C4orf50: variants seen among roughly 807,000 people sequenced by gnomAD.
The protein encoded by C4orf50 is chromosome 4 open reading frame 50.
C4orf50 carries 80 observed loss-of-function variants against 77.2 expected under a neutral mutation model. The observed-to-expected ratio is 1.04, with a 90% CI of 0.87 to 1.25. The LOEUF (loss-of-function observed/expected upper bound fraction) is 1.25. C4orf50 is among the 50% of genes most tolerant of loss of function. The pLI is 0.00. For missense variants in C4orf50, 1,257 were observed against 1,152.9 expected (o/e 1.09, Z -1.31); for synonymous variants, 532 against 465.3 (o/e 1.14, Z -1.84).
At position 5,928,273 on chromosome 4, in the gene C4orf50, G is replaced by A. The variant is rs144505963; in HGVS notation, c.*2474+28628C>T. ...AGGATCCTGGAATACAAACTGCAAG[G>A]TAATCTTATAAGGTCAAAGGCAAAA... is the stretch of plus-strand genomic sequence containing the variant. On this transcript the variant is annotated intron_variant, in intron 7 of 7. Coordinates refer to the C4orf50 transcript ENST00000324058. Among the ~76,000 whole-genome samples, 604 of 152,038 alleles carry A rather than the reference G, an allele frequency of 4.0e-3. 4 individuals carry two copies. The highest frequency in any genetic ancestry group is 0.014 in the African/African-American group (569 of 41,436).
intron 28 of C4orf50, among the ~76,000 whole-genome samples, chr4:5,980,844 G>C (rs894161417): frequency 1.3e-5 from 2 of 152,160 alleles, no homozygotes; most frequent in Non-Finnish European, 2.9e-5. Context: ...AGAAGATACT[G>C]TGTCTCCCAC....
intron 25 of C4orf50, among the ~76,000 whole-genome samples, chr4:6,005,868 G>T (rs1328832897): frequency 2.0e-5 from 3 of 152,142 alleles, no homozygotes; most frequent in Non-Finnish European, 4.4e-5. Context: ...CCCATGAGAG[G>T]TGCAGTTCCC....
At chr4:5,906,733 C>T (rs1185346207) in intron 7 of C4orf50, among the ~76,000 whole-genome samples, 2 of 152,162 alleles carry the variant, frequency 1.3e-5, no homozygotes, top group African/African-American at 4.8e-5. Flanking sequence ...GTGAGGAAGC[C>T]AACCTACTCA....
intron 25 of C4orf50, among the ~76,000 whole-genome samples, chr4:5,996,337 C>T (rs924464004): frequency 1.3e-5 from 2 of 152,144 alleles, no homozygotes; most frequent in African/African-American, 4.8e-5. Context: ...CAGCCCCCAG[C>T]GATGGCACTA....
At position 5,991,407 on chromosome 4, in the gene C4orf50, G is replaced by A. The variant is rs937665305; in HGVS notation, c.1222-583C>T. 2.6e-5 allele frequency among the ~76,000 whole-genome samples: 4 copies of A among 152,112 alleles called. No individual in the cohort carries two copies. In the East Asian group the frequency reaches 5.8e-4, roughly 22 times the overall value. Reference sequence around the variant, plus strand: ...TCTCATGGATGGGGCTGGTGCAGGTGGTCCACTCCCTGAGGACAGGACTTC... The same window carrying A: ...TCTCATGGATGGGGCTGGTGCAGGTAGTCCACTCCCTGAGGACAGGACTTC... On this transcript the variant is annotated intron_variant, in intron 27 of 33. Coordinates refer to ENST00000531445, the Ensembl canonical transcript of C4orf50.
At chr4:5,906,124 A>G (rs961093659) in intron 7 of C4orf50, among the ~76,000 whole-genome samples, 6 of 152,104 alleles carry the variant, frequency 3.9e-5, no homozygotes, top group African/African-American at 1.4e-4. Flanking sequence ...AGAGGGAGGG[A>G]GCAGGAGAAG....
chr4:6,009,415 C>T lies in C4orf50; in HGVS notation c.427-883G>A, dbSNP rs775818403. On this transcript the variant is annotated intron_variant, in intron 24 of 33. Coordinates refer to ENST00000531445, the Ensembl canonical transcript of C4orf50. The surrounding 1 kb of genome is among the most constrained non-coding windows in gnomAD (Gnocchi z 5.6). The stretch of plus-strand genomic sequence containing the variant: ...CAAAAACAAACAAACTAAGAGCAAA[C>T]GTGAAAGAGGAAACCTGGAAACAGC... Among the ~76,000 whole-genome samples, 12 of 152,284 alleles carry T rather than the reference C, an allele frequency of 7.9e-5. No homozygotes were observed. The highest frequency in any genetic ancestry group is 2.2e-4 in the African/African-American group (9 of 41,552).
At chr4:5,952,179 G>A (rs1408097507), downstream of C4orf50, among the ~76,000 whole-genome samples, 1 of 152,184 alleles carries the variant, frequency 6.6e-6, no homozygotes, top group Non-Finnish European at 1.5e-5. The surrounding 1 kb of genome is among the most constrained non-coding windows in gnomAD (Gnocchi z 4.4). Flanking sequence ...GTCGTAAGAG[G>A]CAGCTGGATC....
chr4:5,951,071 G>A (rs1718692164), intron 7 of C4orf50, among the ~76,000 whole-genome samples: 1 of 152,162 alleles, frequency 6.6e-6, no homozygotes, highest in African/African-American at 2.4e-5. Context: ...TTGTTTTCAT[G>A]GACCCTCAGC....
Position 6,018,397 on chromosome 4 carries a change from C to T in C4orf50, c.35G>A (p.Ser12Asn), listed in dbSNP as rs1722762813. The T allele has an allele frequency of 2.5e-6, 1 of 398,950 alleles. No individual in the cohort carries two copies. The highest frequency in any genetic ancestry group is 1.3e-4 in the South Asian group (1 of 7,854). 24.7% of individuals were successfully genotyped at this position (398,950 alleles called of 1,614,324 possible). Residue 12 changes from serine (S) to asparagine (N), a missense_variant, in exon 23 of 34, where the codon AGT (serine) becomes AAT (asparagine). Physicochemically the swap from Ser to Asn is conservative, Grantham distance 46 (BLOSUM62 1). Coordinates refer to ENST00000531445, the Ensembl canonical transcript of C4orf50. The surrounding 1 kb of genome is among the most constrained non-coding windows in gnomAD (Gnocchi z 5.1). ...GGGGGCTCTGATGACGTAGCTGAAA[C>T]TCTCCTCAGTCCGTCCCTTGGCTGT...
chr4:5,949,740 A>G (rs969693901), intron 7 of C4orf50, among the ~76,000 whole-genome samples: 2 of 152,226 alleles, frequency 1.3e-5, no homozygotes, highest in African/African-American at 4.8e-5. Flanking sequence ...TAATCCCAGC[A>G]CTGTGGGAAG....
chr4:5,972,501 T>C (rs13435867), intron 31 of C4orf50, among the ~76,000 whole-genome samples: 71,619 of 152,008 alleles, frequency 0.47, 17,178 homozygotes, highest in East Asian at 0.71. Context: ...GCCTATGAAT[T>C]GAGTCAAAAA....
intron 32 of C4orf50, among the ~76,000 whole-genome samples, chr4:5,965,545 G>A (rs546492238): frequency 5.5e-4 from 84 of 152,364 alleles, no homozygotes; most frequent in Non-Finnish European, 1.0e-3. Flanking sequence ...GGTCTAGCGC[G>A]TTTCCTTCTT....
chr4:5,939,470 A>C (rs1213577569), intron 7 of C4orf50, among the ~76,000 whole-genome samples: 1 of 152,134 alleles, frequency 6.6e-6, no homozygotes, highest in Non-Finnish European at 1.5e-5. Flanking sequence ...ATGGGGTCAA[A>C]TATCAACAGC....
At chr4:6,012,804 C>T (rs1019248210) in intron 23 of C4orf50, among the ~76,000 whole-genome samples, 2 of 152,356 alleles carry the variant, frequency 1.3e-5, no homozygotes, top group South Asian at 4.1e-4. Context: ...GGAGGCACTG[C>T]AAAGACTGGC....
At chr4:5,954,476 G>GATTCTGTA (rs1194256559), downstream of C4orf50, among the ~76,000 whole-genome samples, 1 of 152,108 alleles carries the variant, frequency 6.6e-6, no homozygotes, top group Non-Finnish European at 1.5e-5. This position sits in a 1 kb window ranked among gnomAD's most constrained non-coding sequence, Gnocchi z 4.7. Context: ...AGATGAGGGA[G>GATTCTGTA]GTGATGTGTG....
chr4:5,988,407 CTT>C lies in C4orf50; in HGVS notation c.3637_3638del (p.Lys1213GlufsTer30), dbSNP rs757105358. 1.9e-6 allele frequency: 3 copies of C among 1,612,968 alleles called. No individual in the cohort carries two copies. In the South Asian group the frequency reaches 3.3e-5, roughly 18 times the overall value. On this transcript the variant is annotated frameshift_variant, in exon 28 of 34. Coordinates refer to ENST00000531445, the Ensembl canonical transcript of C4orf50. LOFTEE classifies it high-confidence loss of function. Reference sequence around the variant, plus strand: ...CCTGAGCCACAGAACACCTGGGCCTCTTCTCCTCTTTCTCCAAATGTGCTTCT... The same window carrying C: ...CCTGAGCCACAGAACACCTGGGCCTCCTCCTCTTTCTCCAAATGTGCTTCT...
chr4:6,012,381 C>T (rs1271123913), intron 23 of C4orf50, among the ~76,000 whole-genome samples: 1 of 152,104 alleles, frequency 6.6e-6, no homozygotes, highest in Non-Finnish European at 1.5e-5. Context: ...TCAGAGGGGG[C>T]AGACTTTTGC....
intron 7 of C4orf50, among the ~76,000 whole-genome samples, chr4:5,950,304 A>G (rs1718661103): frequency 6.6e-6 from 1 of 152,210 alleles, no homozygotes; most frequent in African/African-American, 2.4e-5. Context: ...TTGAGGTGTG[A>G]TGGAGCTGGT....
Sources: allele counts gnomAD v4.1 joint callset (sites outside exome capture counted in the v4.1 genomes callset), GRCh38; gene constraint gnomAD v4.1.1; non-coding constraint Gnocchi (gnomAD v3.1); transcripts MANE v1.5; gene names NCBI Gene and HGNC (gene_info 2026-07-23, HGNC 2026-07-21).